The following MTMR12 variants were observed in gnomAD, a reference collection of about 807,000 sequenced individuals.
MTMR12 encodes the protein myotubularin-related protein 12.
MTMR12 carries 33 observed loss-of-function variants against 96.7 expected under a neutral mutation model. The observed-to-expected ratio is 0.34, with a 90% CI of 0.26 to 0.46. The LOEUF (loss-of-function observed/expected upper bound fraction) is 0.46, where lower values mean the gene tolerates loss of function less well. Ranked by LOEUF, MTMR12 falls within the 20% of genes least tolerant of loss-of-function variation. The pLI is 1.00. For missense variants in MTMR12, 721 were observed against 896.1 expected, an observed-to-expected ratio of 0.80 and a Z score of 2.49; for synonymous variants, 298 against 327.2, an observed-to-expected ratio of 0.91 and a Z score of 0.96.
At chr5:32,261,076 T>C (rs1749345600) in intron 7 of MTMR12, among the ~76,000 whole-genome samples, 1 of 151,158 alleles carries the variant, frequency 6.6e-6, no homozygotes, top group Non-Finnish European at 1.5e-5. Context: ...CTACTAAAAA[T>C]ACAAAAATTA....
At chr5:32,239,398 C>T (rs1406481908) in intron 12 of MTMR12, among the ~76,000 whole-genome samples, 1 of 152,218 alleles carries the variant, frequency 6.6e-6, no homozygotes, top group Non-Finnish European at 1.5e-5. Context: ...TTCTGGCATA[C>T]GCTGGTACTA....
At chr5:32,279,837 G>C (rs1750220702) in intron 1 of MTMR12, among the ~76,000 whole-genome samples, 2 of 152,200 alleles carry the variant, frequency 1.3e-5, no homozygotes, top group African/African-American at 2.4e-5. Context: ...GTTCACAATA[G>C]GGTTCATGCT....
intron 1 of MTMR12, among the ~76,000 whole-genome samples, chr5:32,300,051 C>G (rs1338220097): frequency 6.6e-6 from 1 of 152,184 alleles, no homozygotes; most frequent in Non-Finnish European, 1.5e-5. Flanking sequence ...GCTCCGACCT[C>G]TGTGCAGAGA....
At position 32,229,646 on chromosome 5, in the gene MTMR12, G is replaced by A. The variant is rs1312143611; in HGVS notation, c.*132C>T. ...AATAATGAGAGCCACCTCTTTTCCC[G>A]AAGGCCCAGGTTTATTCTAACGGAG... On this transcript the variant is annotated 3_prime_UTR_variant, in exon 16 of 16. Transcript: ENST00000382142. 7.7e-6 allele frequency: 6 copies of A among 777,776 alleles called. No homozygotes were observed. The highest frequency in any genetic ancestry group is 1.8e-5 in the African/African-American group (1 of 55,720). 48.2% of individuals were successfully genotyped at this position (777,776 alleles called of 1,614,324 possible).
At chr5:32,294,239 G>T (rs1296905323) in intron 1 of MTMR12, among the ~76,000 whole-genome samples, 1 of 152,108 alleles carries the variant, frequency 6.6e-6, no homozygotes, top group Non-Finnish European at 1.5e-5. Flanking sequence ...AGAACACTGA[G>T]GTGCCCCTTT....
intron 7 of MTMR12, chr5:32,256,079 A>G (rs1211277094): frequency 1.1e-5 from 2 of 190,006 alleles, no homozygotes; most frequent in African/African-American, 4.7e-5. Context: ...TGATACCTAA[A>G]AGCATCGAAT....
At chr5:32,264,594 G>T (rs181152476) in intron 6 of MTMR12, among the ~76,000 whole-genome samples, 2 of 152,120 alleles carry the variant, frequency 1.3e-5, no homozygotes, top group Non-Finnish European at 2.9e-5. Flanking sequence ...CTGAATAGCT[G>T]GGATTATAGG....
At chr5:32,236,809 C>T (rs1294138087) in intron 13 of MTMR12, among the ~76,000 whole-genome samples, 1 of 151,404 alleles carries the variant, frequency 6.6e-6, no homozygotes, top group Non-Finnish European at 1.5e-5. Flanking sequence ...TGCACTCCAG[C>T]CTGGGCAACA....
chr5:32,260,904 A>C (rs967914362), intron 7 of MTMR12, among the ~76,000 whole-genome samples: 1 of 151,782 alleles, frequency 6.6e-6, no homozygotes, highest in Non-Finnish European at 1.5e-5. Flanking sequence ...GATAACATTC[A>C]AGTTTCTGAA....
chr5:32,267,864 T>C (rs1749662512), intron 6 of MTMR12, among the ~76,000 whole-genome samples: 1 of 152,172 alleles, frequency 6.6e-6, no homozygotes, highest in South Asian at 2.1e-4. Context: ...AGACGGAGTC[T>C]CATTCTATTG....
chr5:32,249,393 G>A (rs892213093), intron 8 of MTMR12, among the ~76,000 whole-genome samples: 4 of 152,028 alleles, frequency 2.6e-5, no homozygotes, highest in Non-Finnish European at 5.9e-5. Flanking sequence ...GGCAAAAAGG[G>A]GGCAACTCTC....
chr5:32,269,856 G>C (rs895203566), intron 5 of MTMR12, among the ~76,000 whole-genome samples: 1 of 152,126 alleles, frequency 6.6e-6, no homozygotes, highest in Non-Finnish European at 1.5e-5. Context: ...ACGCTGTTTC[G>C]TGTGAAACTA....
chr5:32,292,862 A>G (rs915804811), intron 1 of MTMR12, among the ~76,000 whole-genome samples: 35 of 152,274 alleles, frequency 2.3e-4, no homozygotes, highest in African/African-American at 8.4e-4. Context: ...CCACGTGACC[A>G]GCTGCAGAAA....
chr5:32,303,922 G>A (rs565072388), intron 1 of MTMR12, among the ~76,000 whole-genome samples: 3 of 151,020 alleles, frequency 2.0e-5, no homozygotes, highest in African/African-American at 7.3e-5. Context: ...ACTGAGAGTG[G>A]GTATTTACTG....
intron 12 of MTMR12, 30 bp from the exon 13 acceptor site, chr5:32,239,203 AG>A: frequency 6.6e-7 from 1 of 1,513,078 alleles, no homozygotes; most frequent in Non-Finnish European, 8.9e-7. Flanking sequence ...CAGTGCAAAG[AG>A]GAAGGAGGGC....
intron 3 of MTMR12, among the ~76,000 whole-genome samples, chr5:32,273,366 ACT>A (rs1749916009): frequency 6.6e-6 from 1 of 152,304 alleles, no homozygotes; most frequent in Middle Eastern, 3.4e-3. Context: ...ACAGAGTGAG[ACT>A]CTGTCTCAAA....
intron 7 of MTMR12, among the ~76,000 whole-genome samples, chr5:32,262,547 G>A (rs1033112707): frequency 1.3e-5 from 2 of 152,106 alleles, no homozygotes; most frequent in South Asian, 2.1e-4. Flanking sequence ...GCAGTGAGCC[G>A]AGATGGCACC....
intron 1 of MTMR12, among the ~76,000 whole-genome samples, chr5:32,309,102 C>G (rs1751476626): frequency 6.6e-6 from 1 of 152,212 alleles, no homozygotes; most frequent in African/African-American, 2.4e-5. Flanking sequence ...AACCACTCCC[C>G]TTCCCTAATT....
chr5:32,244,522 C>T (rs1007902961), intron 10 of MTMR12, among the ~76,000 whole-genome samples: 3 of 151,850 alleles, frequency 2.0e-5, no homozygotes, highest in Non-Finnish European at 2.9e-5. Flanking sequence ...ACCAGGGTGG[C>T]GGAGGTTACA....
Sources: allele counts gnomAD v4.1 joint callset (sites outside exome capture counted in the v4.1 genomes callset), GRCh38; gene constraint gnomAD v4.1.1; transcripts MANE v1.5; gene names NCBI Gene and HGNC (gene_info 2026-07-23, HGNC 2026-07-21).